Variants in MARCHF8 observed in about 807,000 individuals in gnomAD.
MARCHF8 encodes E3 ubiquitin-protein ligase MARCHF8.
Under a neutral mutation model 51.6 loss-of-function variants are expected in MARCHF8, and 40 were observed. That is an observed-to-expected ratio of 0.77 (90% CI 0.60 to 1.01). The LOEUF (loss-of-function observed/expected upper bound fraction) is 1.01. Ranked by LOEUF, MARCHF8 falls within the 50% of genes least tolerant of loss-of-function variation. MARCHF8 has a pLI of 0.00. For synonymous variants in MARCHF8, 263 were observed against 280.3 expected, an observed-to-expected ratio of 0.94 and a Z score of 0.62; for missense variants, 685 against 708.6, an observed-to-expected ratio of 0.97 and a Z score of 0.38.
At chr10:45,562,471 G>A (rs992808731) in intron 1 of MARCHF8, among the ~76,000 whole-genome samples, 2 of 152,136 alleles carry the variant, frequency 1.3e-5, no homozygotes, top group African/African-American at 2.4e-5. Flanking sequence ...CAAGCCAGCA[G>A]ACAGTAGAAT....
chr10:45,462,849 C>T (rs577080098), intron 5 of MARCHF8, among the ~76,000 whole-genome samples: 16 of 152,312 alleles, frequency 1.1e-4, no homozygotes, highest in East Asian at 1.9e-4. Flanking sequence ...TGGTCTCAAA[C>T]TCCTGACCTC....
intron 2 of MARCHF8, among the ~76,000 whole-genome samples, chr10:45,512,104 C>G (rs572051670): frequency 6.7e-6 from 1 of 149,492 alleles, no homozygotes; most frequent in South Asian, 2.1e-4. Flanking sequence ...CCCGCCGCCC[C>G]GTCTGGGATG....
At chr10:45,581,142 A>C (rs907829427) in intron 1 of MARCHF8, among the ~76,000 whole-genome samples, 1 of 152,120 alleles carries the variant, frequency 6.6e-6, no homozygotes, top group Non-Finnish European at 1.5e-5. Context: ...TTATCACCCC[A>C]GGGGATTTTG....
intron 1 of MARCHF8, among the ~76,000 whole-genome samples, chr10:45,580,058 A>T (rs1267073366): frequency 6.6e-6 from 1 of 151,216 alleles, no homozygotes; most frequent in African/African-American, 2.4e-5. Flanking sequence ...TCATGACACT[A>T]TCTGAAAGAA....
upstream of MARCHF8, among the ~76,000 whole-genome samples, chr10:45,536,209 T>C (rs1376290887): frequency 6.6e-6 from 1 of 152,078 alleles, no homozygotes; most frequent in African/African-American, 2.4e-5. Context: ...TGAATAGATA[T>C]ATCAATGGAA....
chr10:45,552,310 A>T (rs1272825773), intron 1 of MARCHF8, among the ~76,000 whole-genome samples: 22 of 85,830 alleles, frequency 2.6e-4, no homozygotes, highest in African/African-American at 8.3e-4. Context: ...GGTAGAATTT[A>T]AAAAAAAAAA....
intron 3 of MARCHF8, among the ~76,000 whole-genome samples, chr10:45,483,809 T>C (rs931783101): frequency 6.9e-6 from 1 of 145,366 alleles, no homozygotes; most frequent in African/African-American, 2.6e-5. Flanking sequence ...AGACAAATAT[T>C]ACATGTTCTC....
At chr10:45,555,864 T>C (rs1442723044) in intron 1 of MARCHF8, among the ~76,000 whole-genome samples, 1 of 152,120 alleles carries the variant, frequency 6.6e-6, no homozygotes, top group East Asian at 1.9e-4. Flanking sequence ...GAGTTGTAAG[T>C]AAAGAGAAAG....
intron 1 of MARCHF8, among the ~76,000 whole-genome samples, chr10:45,559,142 C>T (rs970875785): frequency 1.3e-5 from 2 of 152,224 alleles, no homozygotes; most frequent in Admixed American, 1.3e-4. Flanking sequence ...AGTTGGTAAA[C>T]ATACCGTAAA....
intron 3 of MARCHF8, among the ~76,000 whole-genome samples, chr10:45,474,371 C>T (rs1369824904): frequency 3.3e-5 from 5 of 152,106 alleles, no homozygotes; most frequent in Admixed American, 2.0e-4. Context: ...TACTCTATGG[C>T]TTCCTGGTAC....
intron 1 of MARCHF8, among the ~76,000 whole-genome samples, chr10:45,561,832 C>G (rs2044313649): frequency 7.2e-6 from 1 of 139,856 alleles, no homozygotes. Flanking sequence ...ACCCAGGAAG[C>G]AGAGCTTGCA....
chr10:45,472,838 G>A (rs561314773), intron 3 of MARCHF8, among the ~76,000 whole-genome samples: 2 of 152,362 alleles, frequency 1.3e-5, no homozygotes, highest in East Asian at 3.9e-4. Context: ...GTCAGGATTC[G>A]AGTGAGGCTC....
At chr10:45,486,804 C>CTTTTT (rs34757159) in intron 3 of MARCHF8, among the ~76,000 whole-genome samples, 73 of 94,580 alleles carry the variant, frequency 7.7e-4, no homozygotes, top group Non-Finnish European at 9.5e-4. Context: ...TATTACCCTA[C>CTTTTT]TTTTTTTTTT....
chr10:45,506,727 T>C (rs1225287392), intron 2 of MARCHF8, among the ~76,000 whole-genome samples: 1 of 152,186 alleles, frequency 6.6e-6, no homozygotes, highest in African/African-American at 2.4e-5. Context: ...GAAAGCTTTT[T>C]AATCACCTGG....
chr10:45,514,362 T>TG (rs904883485), intron 2 of MARCHF8, among the ~76,000 whole-genome samples: 4 of 152,256 alleles, frequency 2.6e-5, no homozygotes, highest in African/African-American at 9.6e-5. Context: ...CAAGAATGCA[T>TG]TGGTGTGCGC....
intron 3 of MARCHF8, among the ~76,000 whole-genome samples, chr10:45,486,177 A>T (rs1475139523): frequency 6.6e-6 from 1 of 152,104 alleles, no homozygotes; most frequent in Non-Finnish European, 1.5e-5. Context: ...CTAAAGGCTC[A>T]CTCCACTCAG....
At chr10:45,577,304 A>G (rs1225827186) in intron 1 of MARCHF8, among the ~76,000 whole-genome samples, 3 of 152,196 alleles carry the variant, frequency 2.0e-5, no homozygotes, top group Non-Finnish European at 4.4e-5. Flanking sequence ...AAGACTCACT[A>G]TTTGATAGAA....
chr10:45,548,998 A>T (rs1174166909), intron 1 of MARCHF8, among the ~76,000 whole-genome samples: 1 of 150,636 alleles, frequency 6.6e-6, no homozygotes, highest in African/African-American at 2.4e-5. Context: ...TCCATCTCAA[A>T]AAAAAAAAAA....
chr10:45,553,072 C>T (rs2044213012), intron 1 of MARCHF8: 1 of 151,972 alleles, frequency 6.6e-6, no homozygotes, highest in African/African-American at 2.4e-5. Flanking sequence ...GAAAACAACA[C>T]TAAAATACCA....
Sources: gnomAD v4.1 joint callset for allele counts (sites outside exome capture counted in the v4.1 genomes callset) on GRCh38, gnomAD v4.1.1 for gene constraint, MANE v1.5 for transcripts, NCBI Gene and HGNC (gene_info 2026-07-23, HGNC 2026-07-21) for gene names.